The following FOCAD variants were observed in gnomAD, a reference collection of about 807,000 sequenced individuals.
The protein encoded by FOCAD is focadhesin, also known as KIAA1797.
FOCAD carries 198 observed loss-of-function variants against 225.6 expected under a neutral mutation model. The observed-to-expected ratio is 0.88, with a 90% CI of 0.78 to 0.99. FOCAD has a LOEUF of 0.99. FOCAD is among the 50% of genes least tolerant of loss of function. The pLI, the probability that FOCAD is intolerant of heterozygous loss-of-function variation, is 0.00. For synonymous variants in FOCAD, 897 were observed against 755.0 expected (o/e 1.19, Z -3.08); for missense variants, 2,713 against 2,123.6 (o/e 1.28, Z -5.46).
At chr9:20,711,954 C>T (rs1183971562) in intron 1 of FOCAD, among the ~76,000 whole-genome samples, 2 of 152,154 alleles carry the variant, frequency 1.3e-5, no homozygotes, top group African/African-American at 4.8e-5. Context: ...CAGTGTGTAT[C>T]CCAGGACAGA....
intron 5 of FOCAD, among the ~76,000 whole-genome samples, chr9:20,749,896 G>A (rs1433291164): frequency 6.6e-6 from 1 of 152,004 alleles, no homozygotes; most frequent in Non-Finnish European, 1.5e-5. Flanking sequence ...GTTTATACTT[G>A]GAAAGGTGAA....
intron 1 of FOCAD, among the ~76,000 whole-genome samples, chr9:20,685,397 A>C (rs1249795180): frequency 6.6e-6 from 1 of 152,190 alleles, no homozygotes; most frequent in Non-Finnish European, 1.5e-5. Context: ...GTTAACAGGA[A>C]GTAACTATTT....
rs761082770 is a variant in FOCAD, at chr9:20,866,969, A to G, written c.2147A>G (p.Asn716Ser). Residue 716 changes from asparagine (N) to serine (S), a missense_variant, in exon 18 of 44, where the codon AAC becomes AGC. Physicochemically the swap from Asn to Ser is conservative, Grantham distance 46. Transcript: ENST00000338382. ...VANAAYRSLA[N>S]FSAGEHTILH... is the part of the protein sequence containing the mutation. ...AATGCTGCATATAGATCCCTGGCCA[A>G]CTTTAGTGCAGGAGAACACACCATT... 3.9e-6 allele frequency: 6 copies of G among 1,538,536 alleles called. No homozygotes were observed. Among genetic ancestry groups the G allele is most frequent in the East Asian group, 2.4e-5 (1 of 41,014 alleles).
intron 8 of FOCAD, among the ~76,000 whole-genome samples, chr9:20,774,653 A>G (rs1201396892): frequency 6.6e-6 from 1 of 152,196 alleles, no homozygotes; most frequent in Non-Finnish European, 1.5e-5. Context: ...TCCATATTGA[A>G]TTTTAAATTG....
intron 4 of FOCAD, among the ~76,000 whole-genome samples, chr9:20,728,349 C>A (rs999375003): frequency 6.6e-6 from 1 of 152,110 alleles, no homozygotes. Flanking sequence ...TCATGTACAC[C>A]TTATACAGAT....
chr9:20,787,819 GA>G (rs1000249788), intron 10 of FOCAD, among the ~76,000 whole-genome samples: 89 of 148,422 alleles, frequency 6.0e-4, no homozygotes, highest in African/African-American at 2.0e-3. Flanking sequence ...CACTCTCTTT[GA>G]AAAAAAAAAT....
intron 42 of FOCAD, among the ~76,000 whole-genome samples, chr9:20,991,408 T>A (rs1240662704): frequency 6.6e-6 from 1 of 152,182 alleles, no homozygotes; most frequent in African/African-American, 2.4e-5. Flanking sequence ...GACCCATAGT[T>A]TAGCTATGCA....
At chr9:20,961,632 TA>T (rs1838739933) in intron 35 of FOCAD, among the ~76,000 whole-genome samples, 1 of 152,180 alleles carries the variant, frequency 6.6e-6, no homozygotes, top group Non-Finnish European at 1.5e-5. Context: ...ATATATGTAA[TA>T]AAAAGGGTTC....
chr9:20,874,747 T>G lies in FOCAD; in HGVS notation c.2257T>G (p.Ser753Ala). 6.2e-7 allele frequency: 1 copy of G among 1,613,724 alleles called. No individual in the cohort carries two copies. Among genetic ancestry groups the G allele is most frequent in the Non-Finnish European group, 8.5e-7 (1 of 1,179,714 alleles). Residue 753 changes from serine to alanine, a missense_variant, in exon 19 of 44, where the codon TCA becomes GCA. Coordinates refer to ENST00000338382, the MANE Select transcript of FOCAD (RefSeq NM_001375567.1). Reference sequence around the variant, plus strand: ...TGAAGATGTTGAGGATGTGGATCTTTCAGTTCCTGGCTCTTGCTATCTCAA... The same window carrying G: ...TGAAGATGTTGAGGATGTGGATCTTGCAGTTCCTGGCTCTTGCTATCTCAA... ...DDEDVEDVDL[S>A]VPGSCYLKLL...
At chr9:20,978,553 C>A in intron 37 of FOCAD, 99 bp downstream of exon 37, 1 of 733,648 alleles carries the variant, frequency 1.4e-6, no homozygotes, top group Non-Finnish European at 2.1e-6. Flanking sequence ...CAAGAGGAGA[C>A]AGATGAGATC....
chr9:20,738,633 C>T (rs1361851413), intron 4 of FOCAD, among the ~76,000 whole-genome samples: 1 of 152,190 alleles, frequency 6.6e-6, no homozygotes, highest in Non-Finnish European at 1.5e-5. Flanking sequence ...GAAGAGAAAA[C>T]ATACCACTGT....
At chr9:20,805,312 G>A (rs954300123) in intron 11 of FOCAD, among the ~76,000 whole-genome samples, 4 of 152,134 alleles carry the variant, frequency 2.6e-5, no homozygotes, top group African/African-American at 4.8e-5. Context: ...CTGAGGTGAA[G>A]CTTTATAACA....
At chr9:20,712,897 T>A (rs1412888006) in intron 1 of FOCAD, among the ~76,000 whole-genome samples, 1 of 151,872 alleles carries the variant, frequency 6.6e-6, no homozygotes, top group East Asian at 2.0e-4. Context: ...CACATCTGGC[T>A]AATTTTTGTA....
At chr9:20,784,643 C>A (rs1269219402) in intron 10 of FOCAD, among the ~76,000 whole-genome samples, 1 of 152,082 alleles carries the variant, frequency 6.6e-6, no homozygotes, top group Non-Finnish European at 1.5e-5. Context: ...CTGGGGTCTA[C>A]CATGTGTTTA....
At chr9:20,799,381 A>T (rs1821520492) in intron 11 of FOCAD, among the ~76,000 whole-genome samples, 1 of 152,168 alleles carries the variant, frequency 6.6e-6, no homozygotes, top group South Asian at 2.1e-4. Flanking sequence ...TGCAGAGCTG[A>T]GTTCAATTCC....
chr9:20,770,318 G>A, intron 8 of FOCAD, 80 bp downstream of exon 8: 1 of 1,302,214 alleles, frequency 7.7e-7, no homozygotes, highest in Admixed American at 1.9e-5. Context: ...AAAGAAATGA[G>A]GTTTAATTGG....
intron 23 of FOCAD, among the ~76,000 whole-genome samples, chr9:20,913,907 C>G (rs1047907344): frequency 6.6e-6 from 1 of 152,014 alleles, no homozygotes; most frequent in Non-Finnish European, 1.5e-5. Flanking sequence ...ATACATATTC[C>G]TAGTGAAAAC....
intron 15 of FOCAD, among the ~76,000 whole-genome samples, chr9:20,859,570 T>C: frequency 6.6e-6 from 1 of 150,672 alleles, no homozygotes; most frequent in Non-Finnish European, 1.5e-5. Flanking sequence ...CTTTTATTAA[T>C]TTTGGAAATT....
chr9:20,895,352 C>T (rs1831987317), intron 21 of FOCAD, among the ~76,000 whole-genome samples: 1 of 151,906 alleles, frequency 6.6e-6, no homozygotes, highest in African/African-American at 2.4e-5. Flanking sequence ...ATCCAGGAAG[C>T]AACTTGGTGA....
Sources: gnomAD v4.1 joint callset for allele counts (sites outside exome capture counted in the v4.1 genomes callset) on GRCh38, gnomAD v4.1.1 for gene constraint, MANE v1.5 for transcripts, NCBI Gene and HGNC (gene_info 2026-07-23, HGNC 2026-07-21) for gene names.